Variants in CNTN4 observed in about 807,000 individuals in gnomAD.
The protein encoded by CNTN4 is contactin 4.
In CNTN4, 77 loss-of-function variants were observed where a neutral mutation model predicts 122.5. The ratio of observed to expected loss-of-function variants is 0.63; its 90% confidence interval spans 0.52 to 0.76. The LOEUF (loss-of-function observed/expected upper bound fraction) is 0.76. Ranked by LOEUF, CNTN4 falls within the 30% of genes least tolerant of loss-of-function variation. The pLI, the probability that CNTN4 is intolerant of heterozygous loss-of-function variation, is 0.00. For missense variants in CNTN4, 1,256 were observed against 1,259.1 expected, an observed-to-expected ratio of 1.00 and a Z score of 0.04; for synonymous variants, 512 against 447.0, an observed-to-expected ratio of 1.15 and a Z score of -1.83.
chr3:2,582,078 G>A (rs999051675), intron 4 of CNTN4, among the ~76,000 whole-genome samples: 1 of 152,138 alleles, frequency 6.6e-6, no homozygotes, highest in Non-Finnish European at 1.5e-5. Flanking sequence ...AGCGGTGATG[G>A]TCACTCAACC....
At chr3:2,145,398 A>T (rs895134287) in intron 2 of CNTN4, among the ~76,000 whole-genome samples, 1 of 152,028 alleles carries the variant, frequency 6.6e-6, no homozygotes, top group Non-Finnish European at 1.5e-5. Context: ...ATCTCTCTCC[A>T]CTCCCTGTGC....
chr3:2,183,400 G>C (rs1420307960), intron 2 of CNTN4, among the ~76,000 whole-genome samples: 2 of 152,084 alleles, frequency 1.3e-5, no homozygotes, highest in African/African-American at 4.8e-5. Context: ...ATAACAATAG[G>C]ATTCTGCTAA....
At chr3:2,678,814 A>G (rs1417128277) in intron 4 of CNTN4, among the ~76,000 whole-genome samples, 2 of 152,318 alleles carry the variant, frequency 1.3e-5, no homozygotes, top group South Asian at 2.1e-4. Context: ...GCAGGCCCAC[A>G]TTAAGTCTGT....
rs185886626 is a variant in CNTN4, at chr3:2,385,834, C to T, written c.-89+46601C>T. Among the ~76,000 whole-genome samples the T allele has an allele frequency of 9.2e-5, 14 of 152,188 alleles. No individual in the cohort carries two copies. The highest frequency in any genetic ancestry group is 7.2e-4 in the Admixed American group (11 of 15,280). The stretch of plus-strand genomic sequence containing the variant: ...GCTTCCAAATAAGGTCACATTCACA[C>T]GTACCAGGGGTCAAGACTTCAACAC... On this transcript the variant is annotated intron_variant, in intron 3 of 24. Coordinates refer to ENST00000418658, the MANE Select transcript of CNTN4 (RefSeq NM_175607.3). This position sits in a 1 kb window ranked among gnomAD's most constrained non-coding sequence, Gnocchi z 4.0.
intron 6 of CNTN4, among the ~76,000 whole-genome samples, chr3:2,798,879 A>G (rs2092278243): frequency 6.6e-6 from 1 of 152,132 alleles, no homozygotes; most frequent in Non-Finnish European, 1.5e-5. Context: ...TGCCTGATCA[A>G]TTGGTAGTTC....
intron 2 of CNTN4, among the ~76,000 whole-genome samples, chr3:2,209,112 T>C (rs1009157685): frequency 8.5e-5 from 13 of 152,194 alleles, no homozygotes; most frequent in Non-Finnish European, 1.9e-4. Context: ...TCTCAGTGTA[T>C]TAACACAATA....
chr3:2,748,030 G>A (rs1182173645), intron 6 of CNTN4, among the ~76,000 whole-genome samples: 2 of 152,068 alleles, frequency 1.3e-5, no homozygotes, highest in Non-Finnish European at 2.9e-5. Flanking sequence ...TTAATCCACA[G>A]CCATCTTCTT....
At chr3:2,344,534 T>TC (rs1420557305) in intron 3 of CNTN4, among the ~76,000 whole-genome samples, 1 of 152,032 alleles carries the variant, frequency 6.6e-6, no homozygotes, top group African/African-American at 2.4e-5. Context: ...CGCTTCAGCC[T>TC]CCCAAAGTGC....
At chr3:2,188,864 A>G (rs2037395710) in intron 2 of CNTN4, among the ~76,000 whole-genome samples, 1 of 152,124 alleles carries the variant, frequency 6.6e-6, no homozygotes, top group Middle Eastern at 3.2e-3. Flanking sequence ...ACCACAGACT[A>G]AGACTATCAG....
chr3:2,809,807 G>A (rs1160907286), intron 6 of CNTN4, among the ~76,000 whole-genome samples: 2 of 152,190 alleles, frequency 1.3e-5, no homozygotes, highest in South Asian at 4.1e-4. Flanking sequence ...CTTTTTTGTG[G>A]AACACACAGG....
chr3:2,992,171 A>C (rs1262084670), intron 14 of CNTN4, among the ~76,000 whole-genome samples: 1 of 152,188 alleles, frequency 6.6e-6, no homozygotes, highest in Non-Finnish European at 1.5e-5. Flanking sequence ...TCTGACAAGC[A>C]ATCATCACAT....
intron 4 of CNTN4, among the ~76,000 whole-genome samples, chr3:2,699,425 A>T (rs1277047714): frequency 6.6e-6 from 1 of 152,352 alleles, no homozygotes; most frequent in East Asian, 1.9e-4. Context: ...AACTTCATGA[A>T]AAAAATCTAC....
intron 2 of CNTN4, among the ~76,000 whole-genome samples, chr3:2,326,496 A>C (rs1468748383): frequency 6.2e-5 from 3 of 48,558 alleles, no homozygotes; most frequent in Non-Finnish European, 1.9e-4. Flanking sequence ...ACACACACAC[A>C]CACACACACA....
intron 13 of CNTN4, among the ~76,000 whole-genome samples, chr3:2,978,258 G>A (rs1364505225): frequency 6.6e-6 from 1 of 152,200 alleles, no homozygotes; most frequent in Non-Finnish European, 1.5e-5. Context: ...TGTCTTGAGT[G>A]GAAACATTGA....
chr3:2,387,645 C>G (rs191925344), intron 3 of CNTN4, among the ~76,000 whole-genome samples: 15 of 152,084 alleles, frequency 9.9e-5, no homozygotes, highest in African/African-American at 2.7e-4. Context: ...CTAAAGATAG[C>G]TGGATGAAAT....
chr3:2,969,516 G>GATTATTATTATTATTATTATT lies in CNTN4; in HGVS notation c.1359-18825_1359-18805dup, dbSNP rs57712177. Among the ~76,000 whole-genome samples the GATTATTATTATTATTATTATT allele has an allele frequency of 8.6e-3, 1,045 of 121,452 alleles. 8 individuals are homozygous for GATTATTATTATTATTATTATT. Among genetic ancestry groups the GATTATTATTATTATTATTATT allele is most frequent in the East Asian group, 0.028 (138 of 4,952 alleles). The allele number at this position is 121,452 out of a possible 152,430, so 79.7% of individuals were successfully genotyped here. A position where few individuals can be genotyped will look rare whatever the true frequency, so the allele number is the denominator to read the frequency against. The stretch of plus-strand genomic sequence containing the variant: ...ACATGATTTCCCAAAGGAAAATTGG[G>GATTATTATTATTATTATTATT]ATTATTATTATTATTATTATTATTC... On this transcript the variant is annotated intron_variant, in intron 13 of 24. Coordinates refer to ENST00000418658, the MANE Select transcript of CNTN4 (RefSeq NM_175607.3).
At chr3:2,658,907 A>ATACCTACT (rs1161514722) in intron 4 of CNTN4, among the ~76,000 whole-genome samples, 1 of 151,884 alleles carries the variant, frequency 6.6e-6, no homozygotes, top group Non-Finnish European at 1.5e-5. Context: ...ATAAGAATAA[A>ATACCTACT]TACCTACTTG....
chr3:2,525,145 G>A (rs575200085), intron 3 of CNTN4, among the ~76,000 whole-genome samples: 3 of 152,134 alleles, frequency 2.0e-5, no homozygotes, highest in Non-Finnish European at 4.4e-5. Flanking sequence ...ATGCACTGGA[G>A]ATAGCTATGG....
intron 2 of CNTN4, among the ~76,000 whole-genome samples, chr3:2,106,715 C>A (rs1043353379): frequency 5.3e-5 from 8 of 152,208 alleles, no homozygotes; most frequent in Non-Finnish European, 1.2e-4. Flanking sequence ...AGACGTTTTC[C>A]CCATTGTCCT....
Sources: allele counts gnomAD v4.1 joint callset (sites outside exome capture counted in the v4.1 genomes callset), GRCh38; gene constraint gnomAD v4.1.1; non-coding constraint Gnocchi (gnomAD v3.1); transcripts MANE v1.5; gene names NCBI Gene and HGNC (gene_info 2026-07-23, HGNC 2026-07-21).